FOXP2: variants seen among roughly 807,000 people sequenced by gnomAD.
FOXP2 encodes the protein forkhead box P2, also known as forkhead box protein P2.
FOXP2 carries 12 observed loss-of-function variants against 115.8 expected under a neutral mutation model. That is an observed-to-expected ratio of 0.10 (90% confidence interval 0.07 to 0.17). FOXP2 has a LOEUF of 0.17. Ranked by LOEUF, FOXP2 falls within the 10% of genes least tolerant of loss-of-function variation. The probability of loss-of-function intolerance (pLI) is 1.00; values close to 1 mark genes in which losing one functional copy is unlikely to be tolerated. For missense variants in FOXP2, 629 were observed against 843.5 expected, an observed-to-expected ratio of 0.75 and a Z score of 3.15; for synonymous variants, 328 against 297.7, an observed-to-expected ratio of 1.10 and a Z score of -1.05.
intron 1 of FOXP2, among the ~76,000 whole-genome samples, chr7:114,421,522 A>G (rs1398521978): frequency 3.3e-5 from 5 of 151,376 alleles, no homozygotes; most frequent in Admixed American, 2.6e-4. Context: ...TTTTTTTCTA[A>G]TTTGTGTATA....
At chr7:114,623,550 A>C (rs1168982291) in intron 3 of FOXP2, among the ~76,000 whole-genome samples, 1 of 151,892 alleles carries the variant, frequency 6.6e-6, no homozygotes, top group Non-Finnish European at 1.5e-5. Context: ...GCCTTTAAGC[A>C]TATGGTGTAG....
intron 1 of FOXP2, among the ~76,000 whole-genome samples, chr7:114,420,778 A>T (rs1793585783): frequency 6.6e-6 from 1 of 151,778 alleles, no homozygotes; most frequent in African/African-American, 2.4e-5. Context: ...TAATGCTATA[A>T]AGGATTGATT....
intron 3 of FOXP2, among the ~76,000 whole-genome samples, chr7:114,579,282 G>A (rs889913266): frequency 1.3e-5 from 2 of 152,010 alleles, no homozygotes; most frequent in African/African-American, 4.8e-5. Flanking sequence ...TTAGATGCTT[G>A]GATTGATCAG....
At chr7:114,516,291 C>G (rs1007581256) in intron 2 of FOXP2, among the ~76,000 whole-genome samples, 3 of 152,030 alleles carry the variant, frequency 2.0e-5, no homozygotes, top group Non-Finnish European at 2.9e-5. Context: ...ACAAACCTGA[C>G]AAAAACAAGC....
At chr7:114,164,807 T>C (rs1031642067) in intron 1 of FOXP2, among the ~76,000 whole-genome samples, 7 of 152,190 alleles carry the variant, frequency 4.6e-5, no homozygotes, top group African/African-American at 1.4e-4. Flanking sequence ...CTCCCATTTA[T>C]GGTTTGAGGT....
At chr7:114,487,327 G>A (rs2129241261) in intron 2 of FOXP2, among the ~76,000 whole-genome samples, 1 of 152,224 alleles carries the variant, frequency 6.6e-6, no homozygotes, top group Admixed American at 6.5e-5. Flanking sequence ...TGGGATGCAG[G>A]GCACCAAGTC....
At chr7:114,357,181 G>T (rs1028373190) in intron 2 of FOXP2, among the ~76,000 whole-genome samples, 2 of 152,072 alleles carry the variant, frequency 1.3e-5, no homozygotes, top group Non-Finnish European at 1.5e-5. Context: ...CATTTGCTGG[G>T]AATTTTTCAT....
rs139788965 is a variant in FOXP2 at position 114,685,332 on chromosome 7, G to A, written c.2004-4450G>A. Among the ~76,000 whole-genome samples, 644 of 151,932 alleles carry A rather than the reference G, an allele frequency of 4.2e-3. 3 individuals carry two copies. The highest frequency in any genetic ancestry group is 0.013 in the African/African-American group (541 of 41,444). Reference sequence around the variant, plus strand: ...AATACATAGTATTAGTTATTTGGGGGCCTATGGTTTTATTTTATAATTTGT... The same window carrying A: ...AATACATAGTATTAGTTATTTGGGGACCTATGGTTTTATTTTATAATTTGT... On this transcript the variant is annotated intron_variant, in intron 16 of 16. Coordinates refer to ENST00000350908, the MANE Select transcript of FOXP2 (RefSeq NM_014491.4).
At chr7:114,303,059 T>C (rs1356266060) in intron 2 of FOXP2, among the ~76,000 whole-genome samples, 1 of 152,154 alleles carries the variant, frequency 6.6e-6, no homozygotes, top group Non-Finnish European at 1.5e-5. Context: ...CCCAGACACC[T>C]GAGTCACAGA....
intron 2 of FOXP2, among the ~76,000 whole-genome samples, chr7:114,523,577 T>A (rs1183674626): frequency 1.3e-5 from 2 of 152,172 alleles, no homozygotes; most frequent in Non-Finnish European, 2.9e-5. Context: ...GAAAGGAAGG[T>A]GAATAGAGAA....
chr7:114,625,658 C>T (rs946447497), intron 3 of FOXP2, among the ~76,000 whole-genome samples: 19 of 151,648 alleles, frequency 1.3e-4, no homozygotes, highest in African/African-American at 3.9e-4. Flanking sequence ...GGAAATGTGT[C>T]GCTTAAAATG....
chr7:114,348,547 C>T (rs1164435030), intron 2 of FOXP2, among the ~76,000 whole-genome samples: 1 of 151,658 alleles, frequency 6.6e-6, no homozygotes, highest in Non-Finnish European at 1.5e-5. Context: ...TTAAACTTTC[C>T]ATTCTGTAGC....
chr7:114,643,539 T>A (rs1446209993), intron 7 of FOXP2, among the ~76,000 whole-genome samples: 1 of 152,190 alleles, frequency 6.6e-6, no homozygotes, highest in Non-Finnish European at 1.5e-5. Flanking sequence ...CAGTTATTAA[T>A]ATTAAATGTG....
intron 4 of FOXP2, chr7:114,628,983 T>A: frequency 5.8e-6 from 2 of 343,272 alleles, no homozygotes; most frequent in Non-Finnish European, 5.5e-6. Context: ...GCCAAAAAAA[T>A]GCAAAAATAC....
At chr7:114,233,463 A>G (rs1424374673) in intron 1 of FOXP2, among the ~76,000 whole-genome samples, 1 of 152,226 alleles carries the variant, frequency 6.6e-6, no homozygotes, top group African/African-American at 2.4e-5. Flanking sequence ...GATTAAAACA[A>G]AAGTTTGACA....
chr7:114,462,642 A>T lies in FOXP2; in HGVS notation c.168+35963A>T, dbSNP rs1263970135. On this transcript the variant is annotated intron_variant, in intron 2 of 16. Transcript: ENST00000350908. ...CGCCTCAGCCTCCCAAAGTGCTAGG[A>T]TTACAGGCGTGAGCCACCGCGCCCG... 2.0e-5 allele frequency among the ~76,000 whole-genome samples: 3 copies of T among 152,138 alleles called. No individual in the cohort carries two copies. In the East Asian group the frequency reaches 5.8e-4, roughly 30 times the overall value.
At chr7:114,677,286 T>A (rs1262937563) in intron 16 of FOXP2, among the ~76,000 whole-genome samples, 2 of 152,306 alleles carry the variant, frequency 1.3e-5, no homozygotes, top group African/African-American at 4.8e-5. Context: ...ATTGTGCCAG[T>A]GAGTCTCTCA....
chr7:114,646,077 A>AAAAAC (rs1302647151), intron 8 of FOXP2, among the ~76,000 whole-genome samples: 4 of 151,240 alleles, frequency 2.6e-5, no homozygotes, highest in African/African-American at 9.7e-5. Context: ...AAAAAAAAAA[A>AAAAAC]AAAAATTGTT....
At chr7:114,446,240 G>A (rs968513996) in intron 2 of FOXP2, among the ~76,000 whole-genome samples, 14 of 151,860 alleles carry the variant, frequency 9.2e-5, no homozygotes, top group African/African-American at 1.5e-4. Flanking sequence ...TAGGAATGTC[G>A]TTATATCATC....
Sources: gnomAD v4.1 joint callset for allele counts (sites outside exome capture counted in the v4.1 genomes callset) on GRCh38, gnomAD v4.1.1 for gene constraint, MANE v1.5 for transcripts, NCBI Gene and HGNC (gene_info 2026-07-23, HGNC 2026-07-21) for gene names.